Variants in SEPSECS observed in about 807,000 individuals in gnomAD.
SEPSECS encodes Sep (O-phosphoserine) tRNA:Sec (selenocysteine) tRNA synthase.
Under a neutral mutation model 52.1 loss-of-function variants are expected in SEPSECS, and 42 were observed. That is an observed-to-expected ratio of 0.81 (90% CI 0.63 to 1.04). The LOEUF is 1.04. Ranked by LOEUF, SEPSECS falls within the 50% of genes least tolerant of loss-of-function variation. The probability of loss-of-function intolerance (pLI) is 0.00; values close to 1 mark genes in which losing one functional copy is unlikely to be tolerated. For missense variants in SEPSECS, 590 were observed against 610.6 expected (o/e 0.97, Z 0.36); for synonymous variants, 216 against 211.4 (o/e 1.02, Z -0.19).
chr4:25,159,832 G>A (rs533380357), intron 1 of SEPSECS: 1 of 1,089,548 alleles, frequency 9.2e-7, no homozygotes, highest in African/African-American at 1.7e-5. Flanking sequence ...CTGGCAGGAG[G>A]GAGACCTGTG....
At chr4:25,124,296 A>T (rs1728270181) in intron 10 of SEPSECS, 71 bp from the exon 11 acceptor site, 2 of 1,440,422 alleles carry the variant, frequency 1.4e-6, no homozygotes, top group Admixed American at 3.6e-5. Context: ...TAAACAAAAG[A>T]TATGTGTTAC....
At chr4:25,149,523 G>A (rs1712180472) in intron 6 of SEPSECS, among the ~76,000 whole-genome samples, 1 of 152,096 alleles carries the variant, frequency 6.6e-6, no homozygotes, top group South Asian at 2.1e-4. Flanking sequence ...ATATAACTAT[G>A]TAAAAACAAT....
intron 6 of SEPSECS, among the ~76,000 whole-genome samples, chr4:25,148,918 T>A (rs1022978944): frequency 6.6e-6 from 1 of 152,218 alleles, no homozygotes; most frequent in South Asian, 2.1e-4. Context: ...AATATCTGCA[T>A]TTAAAAGTTT....
intron 5 of SEPSECS, 115 bp from the exon 6 acceptor site, chr4:25,152,177 A>C (rs1419181971): frequency 1.5e-6 from 1 of 657,590 alleles, no homozygotes; most frequent in East Asian, 2.8e-5. Context: ...AAAGGAAAAA[A>C]ACGACAAACA....
intron 8 of SEPSECS, among the ~76,000 whole-genome samples, chr4:25,142,693 T>G: frequency 6.6e-6 from 1 of 152,084 alleles, no homozygotes; most frequent in East Asian, 1.9e-4. Context: ...TTGATAAGGG[T>G]AAAAATGGGT....
At chr4:25,133,424 C>T (rs1180726136) in intron 8 of SEPSECS, among the ~76,000 whole-genome samples, 2 of 152,200 alleles carry the variant, frequency 1.3e-5, no homozygotes, top group African/African-American at 2.4e-5. Flanking sequence ...AACTGAGCTG[C>T]CTGCTGGATT....
At chr4:25,146,063 C>T (rs1711944129) in intron 6 of SEPSECS, among the ~76,000 whole-genome samples, 1 of 152,168 alleles carries the variant, frequency 6.6e-6, no homozygotes, top group Admixed American at 6.5e-5. Context: ...CGGTCCTCAT[C>T]CAACTTTCTG....
At chr4:25,158,790 G>T (rs1712852081) in intron 2 of SEPSECS, among the ~76,000 whole-genome samples, 163 bp downstream of exon 2, 1 of 152,126 alleles carries the variant, frequency 6.6e-6, no homozygotes, top group South Asian at 2.1e-4. Context: ...AGATAAAATT[G>T]TTTCCATCTC....
rs543105711 is a variant in SEPSECS at position 25,151,636 on chromosome 4, A to C, written c.804+324T>G. The stretch of plus-strand genomic sequence containing the variant: ...TAATTCCTTAAATATAGACTAAATC[A>C]TATCTTTTTAAATGGTATAATCCAG... On this transcript the variant is annotated intron_variant, in intron 6 of 10. Coordinates refer to ENST00000382103, the MANE Select transcript of SEPSECS (RefSeq NM_016955.4). Among the ~76,000 whole-genome samples the C allele has an allele frequency of 2.0e-5, 3 of 152,342 alleles. No homozygotes were observed. The East Asian group carries it at 5.8e-4, about 29-fold the overall frequency.
At chr4:25,134,531 T>C (rs772785618) in intron 8 of SEPSECS, among the ~76,000 whole-genome samples, 13 of 152,144 alleles carry the variant, frequency 8.5e-5, no homozygotes, top group Admixed American at 3.3e-4. Flanking sequence ...GAGGGATGGA[T>C]GGCAAATTCC....
chr4:25,149,943 A>T (rs1002864598), intron 6 of SEPSECS, among the ~76,000 whole-genome samples: 2 of 152,142 alleles, frequency 1.3e-5, no homozygotes, highest in Non-Finnish European at 2.9e-5. Flanking sequence ...CATGCCTACA[A>T]CCCACTCCAC....
chr4:25,143,420 T>C (rs1016296056), intron 8 of SEPSECS, among the ~76,000 whole-genome samples: 4 of 152,242 alleles, frequency 2.6e-5, no homozygotes, highest in African/African-American at 9.6e-5. Context: ...GGATGGCATA[T>C]AAATGAAACT....
intron 3 of SEPSECS, 29 bp from the exon 4 acceptor site, chr4:25,156,224 GT>G: frequency 6.2e-7 from 1 of 1,604,578 alleles, no homozygotes; most frequent in Non-Finnish European, 8.5e-7. Context: ...ACAGAAATCT[GT>G]TATCCCGCTA....
chr4:25,157,061 A>C (rs1315455143), intron 2 of SEPSECS, 87 bp from the exon 3 acceptor site: 1 of 801,114 alleles, frequency 1.2e-6, no homozygotes, highest in Non-Finnish European at 2.3e-6. Context: ...TAATAACCAA[A>C]AAAACACCAG....
rs538843682 is a variant in SEPSECS at position 25,160,431 on chromosome 4, C to T, written c.-62G>A. On this transcript the variant is annotated 5_prime_UTR_variant, in exon 1 of 11. Transcript: ENST00000382103. ...CTAGCTCCACACGCCAGACACACGA[C>T]GGAACCAGAATGCAACTCGCCGCCT... 9 of 1,393,384 alleles carry T rather than the reference C, an allele frequency of 6.5e-6. No individual in the cohort carries two copies. The highest frequency in any genetic ancestry group is 5.1e-5 in the East Asian group (2 of 39,416). 86.3% of individuals were successfully genotyped at this position (1,393,384 alleles called of 1,614,324 possible).
At chr4:25,131,276 T>G (rs571688197) in intron 8 of SEPSECS, among the ~76,000 whole-genome samples, 2 of 152,202 alleles carry the variant, frequency 1.3e-5, no homozygotes, top group Non-Finnish European at 2.9e-5. Context: ...AATCACACCT[T>G]TGGAAACATA....
chr4:25,131,976 T>C (rs1487691465), intron 8 of SEPSECS, among the ~76,000 whole-genome samples: 2 of 152,206 alleles, frequency 1.3e-5, no homozygotes, highest in East Asian at 3.8e-4. Context: ...GATACAGTCT[T>C]ACATTTTCAC....
intron 1 of SEPSECS, chr4:25,159,776 A>G: frequency 9.1e-7 from 1 of 1,098,104 alleles, no homozygotes. Context: ...TGTTTCAAAA[A>G]AACAAAACAC....
chr4:25,157,052 A>C (rs1712709257), intron 2 of SEPSECS, 78 bp from the exon 3 acceptor site: 3 of 840,698 alleles, frequency 3.6e-6, no homozygotes, highest in Admixed American at 1.7e-5. Context: ...ATGCAAATGT[A>C]ATAACCAAAA....
Sources: gnomAD v4.1 joint callset for allele counts (sites outside exome capture counted in the v4.1 genomes callset) on GRCh38, gnomAD v4.1.1 for gene constraint, MANE v1.5 for transcripts, NCBI Gene and HGNC (gene_info 2026-07-23, HGNC 2026-07-21) for gene names.